NRCAM: variants seen among roughly 807,000 people sequenced by gnomAD.
The protein encoded by NRCAM is neuronal cell adhesion molecule, also known as NgCAM-related cell adhesion molecule.
A neutral mutation model predicts 156.5 loss-of-function variants in NRCAM; 83 were observed. That is an observed-to-expected ratio of 0.53 (90% confidence interval 0.44 to 0.64). The LOEUF is 0.64. Ranked by LOEUF, NRCAM falls within the 30% of genes least tolerant of loss-of-function variation. NRCAM has a pLI of 0.00. For synonymous variants in NRCAM, 538 were observed against 563.9 expected (o/e 0.95, Z 0.65); for missense variants, 1,417 against 1,597.3 (o/e 0.89, Z 1.92).
intron 2 of NRCAM, among the ~76,000 whole-genome samples, chr7:108,319,724 C>A (rs575961535): frequency 2.6e-5 from 4 of 152,186 alleles, no homozygotes; most frequent in East Asian, 3.9e-4. Flanking sequence ...GAGCTGAGGT[C>A]CTACAGAGCT....
At chr7:108,255,291 C>T (rs914403056) in intron 3 of NRCAM, among the ~76,000 whole-genome samples, 6 of 152,024 alleles carry the variant, frequency 3.9e-5, no homozygotes, top group African/African-American at 1.4e-4. Flanking sequence ...CTCAGCCTGC[C>T]GAGTGCCTGG....
intron 4 of NRCAM, among the ~76,000 whole-genome samples, chr7:108,239,572 T>G (rs183059160): frequency 6.6e-6 from 1 of 152,112 alleles, no homozygotes; most frequent in African/African-American, 2.4e-5. Context: ...GGTGAAGGGA[T>G]GAGTGGGGAG....
chr7:108,150,380 T>G (rs1050903623), intron 32 of NRCAM, among the ~76,000 whole-genome samples: 3 of 152,194 alleles, frequency 2.0e-5, no homozygotes, highest in Non-Finnish European at 4.4e-5. Flanking sequence ...TAGTGTTTGT[T>G]AATTTCAATG....
Position 108,233,597 on chromosome 7 carries a change from G to A in NRCAM, c.230+986C>T, listed in dbSNP as rs553740402. Among the ~76,000 whole-genome samples the A allele has an allele frequency of 2.4e-4, 37 of 152,284 alleles. No homozygotes were observed. In the South Asian group the frequency reaches 3.7e-3, roughly 15 times the overall value. On this transcript the variant is annotated intron_variant, in intron 6 of 32. Transcript: ENST00000379028. The stretch of plus-strand genomic sequence containing the variant: ...AGGGATACCACATCAGGCCTTCTGC[G>A]AGAGAGGCTTTCCATTAACATAGCC...
chr7:108,194,104 T>C lies in NRCAM; in HGVS notation c.1698A>G (p.Glu566=). 1 of 1,614,188 alleles carries C rather than the reference T, an allele frequency of 6.2e-7. No homozygotes were observed. The highest frequency in any genetic ancestry group is 8.5e-7 in the Non-Finnish European group (1 of 1,180,008). Residue 566 remains glutamate, a synonymous_variant, in exon 17 of 33, where the codon GAA becomes GAG. Coordinates refer to ENST00000379028, the MANE Select transcript of NRCAM (RefSeq NM_001037132.4). ...VVQRGSMVSF[E]CKVKHDHTLS... ...AGGTGTGATCATGTTTCACTTTGCA[T>C]TCAAAGGACACCATGCTCCCTCTTT... is the stretch of plus-strand genomic sequence containing the variant.
Position 108,231,143 on chromosome 7 carries a change from C to G in NRCAM, c.438G>C (p.Leu146Phe), listed in dbSNP as rs750839024. 9 of 1,586,314 alleles carry G rather than the reference C, an allele frequency of 5.7e-6. No homozygotes were observed. The highest frequency in any genetic ancestry group is 7.7e-6 in the Non-Finnish European group (9 of 1,171,286). ...TTGGTTCAAGTTTTTCTTTGGTCCACAATGGTGATCCTATTAAATAAAAAA... is the reference window on the plus strand; with the variant it reads ...TTGGTTCAAGTTTTTCTTTGGTCCAGAATGGTGATCCTATTAAATAAAAAA... ...NIVVRPSRSP[L>F]WTKEKLEPIT... Residue 146 changes from leucine (L) to phenylalanine (F), a missense_variant, in exon 8 of 33, where the codon TTG (leucine) becomes TTC (phenylalanine). Leu to Phe is a conservative substitution (Grantham distance 22, BLOSUM62 0). This residue lies in a region of NRCAM where 1,238 missense variants were observed against 1,336.4 expected (regional missense o/e 0.93). Coordinates refer to ENST00000379028, the MANE Select transcript of NRCAM (RefSeq NM_001037132.4).
chr7:108,218,228 C>T (rs1435711900), intron 11 of NRCAM, among the ~76,000 whole-genome samples: 2 of 151,972 alleles, frequency 1.3e-5, no homozygotes, highest in African/African-American at 2.4e-5. Flanking sequence ...GGTGACACCC[C>T]CACCCTGCTT....
chr7:108,442,259 CGAG>C (rs1323746247), intron 1 of NRCAM, among the ~76,000 whole-genome samples: 1 of 152,062 alleles, frequency 6.6e-6, no homozygotes, highest in Non-Finnish European at 1.5e-5. Context: ...GCAGCTGCCA[CGAG>C]TCATCCATTC....
At chr7:108,455,901 C>G (rs1203616264) in intron 1 of NRCAM, among the ~76,000 whole-genome samples, 1 of 152,210 alleles carries the variant, frequency 6.6e-6, no homozygotes, top group Admixed American at 6.5e-5. Context: ...CTGGGCAGGG[C>G]TTCCCGGAAA....
chr7:108,443,376 T>C (rs1840736147), intron 1 of NRCAM, among the ~76,000 whole-genome samples: 1 of 152,180 alleles, frequency 6.6e-6, no homozygotes, highest in Non-Finnish European at 1.5e-5. Context: ...TATATTCAAA[T>C]TAATATTCAA....
chr7:108,341,010 T>C (rs1255813563), intron 2 of NRCAM, among the ~76,000 whole-genome samples: 5 of 152,210 alleles, frequency 3.3e-5, no homozygotes, highest in African/African-American at 7.2e-5. Context: ...AAGCAGACTT[T>C]GGAGGCTCTG....
At chr7:108,373,132 G>T (rs941195426) in intron 2 of NRCAM, among the ~76,000 whole-genome samples, 5 of 152,134 alleles carry the variant, frequency 3.3e-5, no homozygotes, top group Non-Finnish European at 5.9e-5. Context: ...CTTATAGGAG[G>T]TATCTAAAAT....
intron 2 of NRCAM, among the ~76,000 whole-genome samples, chr7:108,394,934 T>C (rs1563609558): frequency 1.3e-5 from 2 of 152,218 alleles, no homozygotes; most frequent in Non-Finnish European, 1.5e-5. Context: ...TTTTTCCATT[T>C]TAAAATAAGA....
At position 108,301,959 on chromosome 7, in the gene NRCAM, ATAAT is replaced by A. The variant is rs2098629629; in HGVS notation, c.-107+10702_-107+10705del. 2.0e-5 allele frequency among the ~76,000 whole-genome samples: 3 copies of A among 152,074 alleles called. No homozygotes were observed. In the South Asian group the frequency reaches 6.2e-4, roughly 32 times the overall value. On this transcript the variant is annotated intron_variant, in intron 3 of 32. Transcript: ENST00000379028. ...TGCCTTTCATCATAATAAATATGAAATAATTATTAAGATGAAAATGTTTCACAGA... is the reference window on the plus strand; with the variant it reads ...TGCCTTTCATCATAATAAATATGAAATATTAAGATGAAAATGTTTCACAGA...
chr7:108,216,740 C>T (rs1053780413), intron 11 of NRCAM, among the ~76,000 whole-genome samples: 5 of 152,112 alleles, frequency 3.3e-5, no homozygotes, highest in South Asian at 2.1e-4. Flanking sequence ...ACGAAGTTCT[C>T]GTGCTGTGTT....
intron 1 of NRCAM, among the ~76,000 whole-genome samples, chr7:108,435,412 G>T (rs969886598): frequency 6.6e-6 from 1 of 152,050 alleles, no homozygotes; most frequent in African/African-American, 2.4e-5. Context: ...GAAACCCATG[G>T]GACAACATCA....
intron 1 of NRCAM, among the ~76,000 whole-genome samples, chr7:108,428,151 C>A (rs1819798189): frequency 6.6e-6 from 1 of 152,126 alleles, no homozygotes; most frequent in African/African-American, 2.4e-5. Flanking sequence ...CTAGAAATAT[C>A]TTCAATGACA....
intron 11 of NRCAM, among the ~76,000 whole-genome samples, chr7:108,211,757 A>G (rs546457299): frequency 3.3e-5 from 5 of 152,036 alleles, no homozygotes; most frequent in Non-Finnish European, 7.4e-5. Flanking sequence ...AGCAAGACCC[A>G]AAGAGAGTCT....
Position 108,311,545 on chromosome 7 carries a change from C to T in NRCAM, c.-107+1120G>A, listed in dbSNP as rs568329796. Among the ~76,000 whole-genome samples, 6 of 152,284 alleles carry T rather than the reference C, an allele frequency of 3.9e-5. No individual in the cohort carries two copies. In the East Asian group the frequency reaches 9.6e-4, roughly 24 times the overall value. On this transcript the variant is annotated intron_variant, in intron 3 of 32. Coordinates refer to ENST00000379028, the MANE Select transcript of NRCAM (RefSeq NM_001037132.4). ...AATTTTGCTAGTCTCTGCTAATTTT[C>T]ACTTTTCAGGGACTGTTCAAGCAGA...
Sources: allele counts gnomAD v4.1 joint callset (sites outside exome capture counted in the v4.1 genomes callset), GRCh38; gene constraint gnomAD v4.1.1; regional missense constraint gnomAD v4.1.1; transcripts MANE v1.5; gene names NCBI Gene and HGNC (gene_info 2026-07-23, HGNC 2026-07-21).